The following DLGAP4 variants were observed in gnomAD, a reference collection of about 807,000 sequenced individuals.
DLGAP4 encodes the protein DLG associated protein 4, also known as disks large-associated protein 4.
Under a neutral mutation model 86.9 loss-of-function variants are expected in DLGAP4, and 18 were observed. The ratio of observed to expected loss-of-function variants is 0.21; its 90% CI spans 0.14 to 0.31. The LOEUF (loss-of-function observed/expected upper bound fraction) is 0.31, where lower values mean the gene tolerates loss of function less well. Among genes scored for constraint, DLGAP4 ranks in the 10% least tolerant of loss-of-function variants. The pLI is 1.00. For missense variants in DLGAP4, 1,085 were observed against 1,362.6 expected (o/e 0.80, Z 3.21); for synonymous variants, 548 against 574.3 (o/e 0.95, Z 0.65).
At chr20:36,371,115 C>G (rs1276102491) in intron 2 of DLGAP4, among the ~76,000 whole-genome samples, 1 of 152,186 alleles carries the variant, frequency 6.6e-6, no homozygotes, top group Non-Finnish European at 1.5e-5. Context: ...GTGCAGAAAG[C>G]CTTGCTTGGT....
intron 2 of DLGAP4, among the ~76,000 whole-genome samples, chr20:36,397,209 G>A (rs182806977): frequency 3.0e-4 from 46 of 152,262 alleles, no homozygotes; most frequent in East Asian, 5.8e-4. Context: ...ACATGGACTC[G>A]CCTGAGAGCT....
intron 5 of DLGAP4, among the ~76,000 whole-genome samples, chr20:36,442,001 C>G (rs2033460459): frequency 2.0e-5 from 3 of 152,172 alleles, no homozygotes; most frequent in Admixed American, 2.0e-4. Flanking sequence ...TCTGACCCCT[C>G]ACAGCCTCAA....
chr20:36,322,305 AG>A (rs1555890616), intron 1 of DLGAP4, among the ~76,000 whole-genome samples: 1 of 152,162 alleles, frequency 6.6e-6, no homozygotes, highest in Non-Finnish European at 1.5e-5. Context: ...ATGTGGAGGG[AG>A]GACAGGTGAA....
At chr20:36,452,561 G>C (rs1182893120) in intron 7 of DLGAP4, among the ~76,000 whole-genome samples, 1 of 150,434 alleles carries the variant, frequency 6.6e-6, no homozygotes, top group African/African-American at 2.5e-5. Context: ...TGTTGTCCAG[G>C]CTGAAGTGCA....
intron 2 of DLGAP4, among the ~76,000 whole-genome samples, chr20:36,401,228 A>G (rs759505325): frequency 2.0e-5 from 3 of 152,232 alleles, no homozygotes; most frequent in South Asian, 4.1e-4. Flanking sequence ...AATGAATCCA[A>G]TTAGATTTCA....
At chr20:36,317,622 TAA>T (rs1346388237) in intron 1 of DLGAP4, among the ~76,000 whole-genome samples, 159 of 144,528 alleles carry the variant, frequency 1.1e-3, no homozygotes, top group Admixed American at 1.3e-3. Flanking sequence ...CCCAGCTAAT[TAA>T]AAAAAAAAAA....
Position 36,365,865 on chromosome 20 carries a change from A to G in DLGAP4, c.-303-1180A>G, listed in dbSNP as rs6102248. Among the ~76,000 whole-genome samples, 799 of 152,218 alleles carry G rather than the reference A, an allele frequency of 5.2e-3. 6 individuals are homozygous for G. The highest frequency in any genetic ancestry group is 0.018 in the African/African-American group (751 of 41,528). On this transcript the variant is annotated intron_variant, in intron 1 of 12. Transcript: ENST00000339266. ...CCCCTAGACCTGGACCTCTCCTCTC[A>G]GGGCTCAGACGTGGAAAGCCTGAGT...
At chr20:36,322,319 A>C (rs1436709876) in intron 1 of DLGAP4, among the ~76,000 whole-genome samples, 2 of 152,182 alleles carry the variant, frequency 1.3e-5, no homozygotes, top group East Asian at 3.8e-4. Flanking sequence ...CAGGTGAAGC[A>C]CTAGAGGATG....
intron 10 of DLGAP4, among the ~76,000 whole-genome samples, chr20:36,518,891 G>A (rs1041168266): frequency 3.3e-5 from 5 of 152,130 alleles, no homozygotes; most frequent in African/African-American, 1.2e-4. Context: ...GCTGAGGCAG[G>A]CGGATCACGA....
rs754863901 is a variant in DLGAP4 at position 36,431,794 on chromosome 20, G to A, written c.77G>A (p.Gly26Glu). ...CCACCCCACGAGCCCCTGTTTGCAG[G>A]GACCGACCGCAACCCCTACCTGCTG... Reference protein sequence around the residue: ...LDPPHEPLFAGTDRNPYLLSP... With the variant: ...LDPPHEPLFAETDRNPYLLSP... Residue 26 changes from glycine to glutamate, a missense_variant, in exon 3 of 13, where the codon GGG becomes GAG. Gly to Glu is a moderately conservative substitution (Grantham distance 98, BLOSUM62 -2). Around this residue, in one of 2 missense-constraint regions of DLGAP4, gnomAD observed 1,082 missense variants for 1,344.1 expected, o/e 0.81. Coordinates refer to ENST00000339266, the MANE Select transcript of DLGAP4 (RefSeq NM_001365621.2). The surrounding 1 kb of genome is among the most constrained non-coding windows in gnomAD (Gnocchi z 5.1). The A allele has an allele frequency of 1.2e-6, 2 of 1,613,468 alleles. No homozygotes were observed. Among genetic ancestry groups the A allele is most frequent in the Non-Finnish European group, 1.7e-6 (2 of 1,179,866 alleles).
chr20:36,340,039 A>G (rs2065362368), intron 1 of DLGAP4, among the ~76,000 whole-genome samples: 2 of 152,120 alleles, frequency 1.3e-5, no homozygotes, highest in Non-Finnish European at 2.9e-5. Flanking sequence ...TGATTAGCAT[A>G]TTCATGATCT....
intron 7 of DLGAP4, among the ~76,000 whole-genome samples, chr20:36,475,525 A>C (rs2034872605): frequency 6.6e-6 from 1 of 152,024 alleles, no homozygotes; most frequent in African/African-American, 2.4e-5. Context: ...ACAATCTCTT[A>C]CCCAATTCCT....
At chr20:36,356,941 G>T (rs1214767168) in intron 1 of DLGAP4, among the ~76,000 whole-genome samples, 1 of 152,036 alleles carries the variant, frequency 6.6e-6, no homozygotes, top group African/African-American at 2.4e-5. Context: ...TTTAGTCTAC[G>T]TGTCTCCTGA....
At chr20:36,430,973 A>G (rs1052225788) in intron 2 of DLGAP4, among the ~76,000 whole-genome samples, 4 of 150,440 alleles carry the variant, frequency 2.7e-5, no homozygotes, top group Non-Finnish European at 5.9e-5. Flanking sequence ...AAAAAAAAAA[A>G]AGACCTCTCT....
chr20:36,478,187 C>T (rs746503628), intron 7 of DLGAP4, among the ~76,000 whole-genome samples: 2 of 152,160 alleles, frequency 1.3e-5, no homozygotes, highest in Non-Finnish European at 2.9e-5. Flanking sequence ...TGGGCAATTA[C>T]CCCTCCTACT....
chr20:36,308,200 C>T lies in DLGAP4; in HGVS notation c.-304+1688C>T, dbSNP rs981835170. On this transcript the variant is annotated intron_variant, in intron 1 of 12. Transcript: ENST00000339266. The surrounding 1 kb of genome is among the most constrained non-coding windows in gnomAD (Gnocchi z 4.5). ...CTGTGTCCTCCAGGAGCTGGGACAG[C>T]GCAACTCAACTTCTGGGAGTGTGCC... is the stretch of plus-strand genomic sequence containing the variant. 2.6e-5 allele frequency among the ~76,000 whole-genome samples: 4 copies of T among 152,182 alleles called. No individual in the cohort carries two copies. Among genetic ancestry groups the T allele is most frequent in the Admixed American group, 1.3e-4 (2 of 15,276 alleles).
intron 2 of DLGAP4, among the ~76,000 whole-genome samples, chr20:36,384,658 G>C (rs1230669871): frequency 6.6e-6 from 1 of 152,206 alleles, no homozygotes; most frequent in African/African-American, 2.4e-5. Flanking sequence ...CACAGATGTG[G>C]TGGCATTAGT....
chr20:36,461,628 C>T (rs1286263184), intron 7 of DLGAP4: 1 of 934,650 alleles, frequency 1.1e-6, no homozygotes. Flanking sequence ...CCGCCCGGAG[C>T]AGCCGCGGCC....
chr20:36,387,088 A>G (rs2031625238), intron 2 of DLGAP4, among the ~76,000 whole-genome samples: 1 of 152,194 alleles, frequency 6.6e-6, no homozygotes, highest in Non-Finnish European at 1.5e-5. Flanking sequence ...TTTCTGTGTT[A>G]ATAAACACTG....
Sources: gnomAD v4.1 joint callset for allele counts (sites outside exome capture counted in the v4.1 genomes callset) on GRCh38, gnomAD v4.1.1 for gene constraint, gnomAD v4.1.1 regional missense constraint, Gnocchi (gnomAD v3.1) non-coding constraint, MANE v1.5 for transcripts, NCBI Gene and HGNC (gene_info 2026-07-23, HGNC 2026-07-21) for gene names.